DPRX: variants seen among roughly 807,000 people sequenced by gnomAD.
The protein encoded by DPRX is divergent-paired related homeobox.
In DPRX, 11 loss-of-function variants were observed where a neutral mutation model predicts 8.4. The observed-to-expected ratio is 1.31, with a 90% CI of 0.82 to 2.17. The LOEUF (loss-of-function observed/expected upper bound fraction) is 2.17. Among genes scored for constraint, DPRX ranks in the 30% most tolerant of loss-of-function variants. DPRX has a pLI of 0.00. For synonymous variants in DPRX, 72 were observed against 87.0 expected (o/e 0.83, Z 0.96); for missense variants, 211 against 236.7 (o/e 0.89, Z 0.71).
At chr19:53,603,535 C>G in the DPRX span, 2 of 399,294 alleles carry the variant, frequency 5.0e-6, no homozygotes, top group Admixed American at 2.7e-5. Context: ...CTGAAATTCT[C>G]GTCTGGCTGG....
chr19:53,619,339 G>A, the DPRX span, among the ~76,000 whole-genome samples: 1 of 152,018 alleles, frequency 6.6e-6, no homozygotes, highest in Non-Finnish European at 1.5e-5. Flanking sequence ...GGGAGTTTGA[G>A]ACCAGCCTGG....
the DPRX span, among the ~76,000 whole-genome samples, chr19:53,625,910 T>G: frequency 1.3e-5 from 2 of 150,978 alleles, no homozygotes; most frequent in African/African-American, 4.9e-5. Flanking sequence ...AGTGCTGGGA[T>G]TACAGGTGTG....
upstream of DPRX, among the ~76,000 whole-genome samples, chr19:53,627,120 T>A (rs1473508281): frequency 6.6e-6 from 1 of 152,112 alleles, no homozygotes; most frequent in African/African-American, 2.4e-5. Context: ...TATTTACAAA[T>A]CCTCGTACTT....
the DPRX span, among the ~76,000 whole-genome samples, chr19:53,611,449 T>C: frequency 1.3e-5 from 2 of 151,880 alleles, no homozygotes; most frequent in Non-Finnish European, 2.9e-5. Context: ...CCTACACTGG[T>C]CTTGGACTCC....
At chr19:53,604,128 T>G in the DPRX span, among the ~76,000 whole-genome samples, 1 of 152,136 alleles carries the variant, frequency 6.6e-6, no homozygotes, top group African/African-American at 2.4e-5. Flanking sequence ...ATCATCCTTT[T>G]GTCCAGTGTG....
chr19:53,621,930 C>G, the DPRX span, among the ~76,000 whole-genome samples: 4 of 152,056 alleles, frequency 2.6e-5, no homozygotes, highest in African/African-American at 9.7e-5. Context: ...TATGTGGGCC[C>G]CAAACCATTA....
At chr19:53,614,528 C>A in the DPRX span, among the ~76,000 whole-genome samples, 1 of 151,860 alleles carries the variant, frequency 6.6e-6, no homozygotes, top group South Asian at 2.1e-4. Flanking sequence ...GCGAGACCCT[C>A]ATCTCTCCAA....
chr19:53,604,122 T>A, the DPRX span, among the ~76,000 whole-genome samples: 1 of 152,134 alleles, frequency 6.6e-6, no homozygotes, highest in Non-Finnish European at 1.5e-5. Flanking sequence ...ATGTAAATCA[T>A]CCTTTTGTCC....
the DPRX span, among the ~76,000 whole-genome samples, chr19:53,605,407 C>T: frequency 4.7e-5 from 7 of 148,256 alleles, no homozygotes; most frequent in African/African-American, 1.7e-4. Context: ...GACGGAGTCT[C>T]GCTCTGTCGC....
chr19:53,603,306 A>T, the DPRX span: 1 of 454,952 alleles, frequency 2.2e-6, no homozygotes, highest in Non-Finnish European at 4.4e-6. Context: ...CCCCTGCCGC[A>T]TGCTATCAGG....
the DPRX span, among the ~76,000 whole-genome samples, chr19:53,604,847 A>C: frequency 6.6e-6 from 1 of 151,754 alleles, no homozygotes; most frequent in African/African-American, 2.4e-5. Flanking sequence ...TGTCTCCAAA[A>C]AAAAAAAAAA....
At chr19:53,627,524 C>T (rs2091076134), upstream of DPRX, among the ~76,000 whole-genome samples, 1 of 149,220 alleles carries the variant, frequency 6.7e-6, no homozygotes, top group Admixed American at 6.8e-5. Flanking sequence ...GCAACCTCTG[C>T]CTCCCAGGTT....
chr19:53,603,304 G>A, the DPRX span: 11 of 454,520 alleles, frequency 2.4e-5, no homozygotes, highest in Admixed American at 7.1e-5. Context: ...GCCCCCTGCC[G>A]CATGCTATCA....
the DPRX span, among the ~76,000 whole-genome samples, chr19:53,608,678 C>T: frequency 2.0e-5 from 3 of 152,090 alleles, no homozygotes; most frequent in Non-Finnish European, 4.4e-5. Context: ...TCAGGCCAGG[C>T]GCAGTGGCTC....
chr19:53,601,360 G>A, the DPRX span: 1 of 456,572 alleles, frequency 2.2e-6, no homozygotes, highest in Admixed American at 2.4e-5. Flanking sequence ...AGGAGAACAG[G>A]CAACAGGGGG....
chr19:53,613,315 G>C, the DPRX span, among the ~76,000 whole-genome samples: 2 of 152,026 alleles, frequency 1.3e-5, no homozygotes, highest in Admixed American at 1.3e-4. Context: ...CCAAGAGGAG[G>C]GGGGAGGTCA....
chr19:53,608,219 A>C, the DPRX span: 1 of 135,310 alleles, frequency 7.4e-6, no homozygotes, highest in African/African-American at 2.9e-5. Context: ...TAAAAATTAA[A>C]ATTAAAATTA....
At chr19:53,628,145 T>C (rs575120083), upstream of DPRX, among the ~76,000 whole-genome samples, 1 of 151,978 alleles carries the variant, frequency 6.6e-6, no homozygotes, top group Non-Finnish European at 1.5e-5. Flanking sequence ...CAAAGATACA[T>C]GTAATCAAAG....
chr19:53,614,186 G>A, the DPRX span, among the ~76,000 whole-genome samples: 1 of 152,050 alleles, frequency 6.6e-6, no homozygotes, highest in East Asian at 1.9e-4. Context: ...TCCTGACCTC[G>A]TAATCTGCCC....
Sources: allele counts gnomAD v4.1 joint callset (sites outside exome capture counted in the v4.1 genomes callset), GRCh38; gene constraint gnomAD v4.1.1; transcripts MANE v1.5; gene names NCBI Gene and HGNC (gene_info 2026-07-23, HGNC 2026-07-21).